The following NME7 variants were observed in gnomAD, a reference collection of about 807,000 sequenced individuals.
NME7 encodes the protein NME/NM23 family member 7.
Under a neutral mutation model 49.1 loss-of-function variants are expected in NME7, and 41 were observed. The observed-to-expected ratio is 0.83, with a 90% confidence interval of 0.65 to 1.08. The LOEUF (loss-of-function observed/expected upper bound fraction) is 1.08, where lower values mean the gene tolerates loss of function less well. Ranked by LOEUF, NME7 falls within the 50% of genes least tolerant of loss-of-function variation. NME7 has a pLI of 0.00. For synonymous variants in NME7, 139 were observed against 150.6 expected, an observed-to-expected ratio of 0.92 and a Z score of 0.56; for missense variants, 423 against 463.4, an observed-to-expected ratio of 0.91 and a Z score of 0.80.
At chr1:169,157,287 G>A (rs1306942310) in intron 11 of NME7, among the ~76,000 whole-genome samples, 1 of 152,172 alleles carries the variant, frequency 6.6e-6, no homozygotes, top group Admixed American at 6.5e-5. Flanking sequence ...TATGTTAGCA[G>A]CTGGAGATAC....
intron 4 of NME7, among the ~76,000 whole-genome samples, chr1:169,307,119 G>A (rs1262529413): frequency 6.6e-6 from 1 of 152,204 alleles, no homozygotes; most frequent in Non-Finnish European, 1.5e-5. Flanking sequence ...CAAGGATGAA[G>A]AAGAGTATAG....
intron 7 of NME7, among the ~76,000 whole-genome samples, chr1:169,246,423 T>C (rs1648317669): frequency 6.6e-6 from 1 of 152,194 alleles, no homozygotes; most frequent in Non-Finnish European, 1.5e-5. Flanking sequence ...CAGGTGATCA[T>C]AAAACCCACA....
At chr1:169,349,579 T>C (rs1653076804) in intron 1 of NME7, among the ~76,000 whole-genome samples, 1 of 152,176 alleles carries the variant, frequency 6.6e-6, no homozygotes, top group African/African-American at 2.4e-5. Flanking sequence ...AAAAATGCTA[T>C]TAAATCATTT....
At chr1:169,360,745 AC>A (rs199539189) in intron 1 of NME7, among the ~76,000 whole-genome samples, 3,503 of 152,244 alleles carry the variant, frequency 0.023, 114 homozygotes, top group African/African-American at 0.078. Flanking sequence ...TGATTGTCCT[AC>A]TCAAGGCTAC....
intron 10 of NME7, among the ~76,000 whole-genome samples, chr1:169,229,744 T>C (rs1325285474): frequency 6.6e-6 from 1 of 152,106 alleles, no homozygotes; most frequent in Non-Finnish European, 1.5e-5. Context: ...GCTGATCACC[T>C]GAGGTCAGGA....
At chr1:169,345,429 A>C (rs967326808) in intron 1 of NME7, among the ~76,000 whole-genome samples, 1 of 142,098 alleles carries the variant, frequency 7.0e-6, no homozygotes, top group Non-Finnish European at 1.6e-5. Flanking sequence ...GGGGGGTCTC[A>C]CTATGTTGTC....
At chr1:169,360,107 T>C (rs946280267) in intron 1 of NME7, among the ~76,000 whole-genome samples, 9 of 152,170 alleles carry the variant, frequency 5.9e-5, no homozygotes, top group Admixed American at 5.9e-4. Flanking sequence ...AGGTACTAGG[T>C]GAAGATCACA....
chr1:169,210,726 G>A (rs35213162), intron 10 of NME7, among the ~76,000 whole-genome samples: 10,600 of 151,958 alleles, frequency 0.07, 1,457 homozygotes, highest in East Asian at 0.66. Flanking sequence ...CAAATAAAAT[G>A]GGGAAAAAAG....
chr1:169,227,377 T>C (rs552415432), intron 10 of NME7, among the ~76,000 whole-genome samples: 21 of 152,318 alleles, frequency 1.4e-4, no homozygotes, highest in African/African-American at 4.8e-4. Context: ...TCAGAAGCCA[T>C]GTCTCCCCTG....
chr1:169,247,396 C>T (rs1648367512), intron 7 of NME7, among the ~76,000 whole-genome samples: 1 of 152,054 alleles, frequency 6.6e-6, no homozygotes, highest in Non-Finnish European at 1.5e-5. Context: ...AGCAAATGTC[C>T]CATTAGAAGC....
intron 1 of NME7, among the ~76,000 whole-genome samples, chr1:169,337,030 G>A (rs549636489): frequency 2.6e-5 from 4 of 152,354 alleles, no homozygotes; most frequent in East Asian, 1.9e-4. Flanking sequence ...ATCCCGCACC[G>A]GGGCTGCAGG....
chr1:169,356,836 A>G (rs958058184), intron 1 of NME7, among the ~76,000 whole-genome samples: 1 of 152,216 alleles, frequency 6.6e-6, no homozygotes, highest in African/African-American at 2.4e-5. Flanking sequence ...ATTAATATGC[A>G]TAAGTTTAAT....
At chr1:169,287,210 G>A in intron 7 of NME7, 93 bp downstream of exon 7, 1 of 1,055,368 alleles carries the variant, frequency 9.5e-7, no homozygotes, top group Non-Finnish European at 1.4e-6. Flanking sequence ...AATACTAAAA[G>A]TATACTTTAT....
chr1:169,313,121 A>G (rs1227789427), intron 3 of NME7, among the ~76,000 whole-genome samples: 1 of 152,048 alleles, frequency 6.6e-6, no homozygotes. Flanking sequence ...CTTCCACCAA[A>G]AACTAAAAAA....
intron 7 of NME7, among the ~76,000 whole-genome samples, chr1:169,278,698 T>C (rs921869688): frequency 1.3e-5 from 2 of 152,250 alleles, no homozygotes; most frequent in African/African-American, 4.8e-5. Flanking sequence ...AAAGTCATTC[T>C]CCATCCAGCT....
chr1:169,305,617 T>TA (rs1177125519), intron 4 of NME7, among the ~76,000 whole-genome samples: 1 of 152,182 alleles, frequency 6.6e-6, no homozygotes, highest in Non-Finnish European at 1.5e-5. Flanking sequence ...CCTTGAGGGA[T>TA]AAGGTAAAGC....
In NME7 at chr1:169,323,135, A is replaced by T; in HGVS notation, c.260T>A (p.Leu87Gln). Residue 87 changes from leucine (L) to glutamine (Q), a missense_variant, in exon 3 of 12, where the codon CTG (leucine) becomes CAG (glutamine). Coordinates refer to ENST00000367811, the MANE Select transcript of NME7 (RefSeq NM_013330.5). ...TTCTTACTTTTCTTTCCTACTGCCCAGCTGGCGAGCTGTATATTGATCCCC... is the reference window on the plus strand; with the variant it reads ...TTCTTACTTTTCTTTCCTACTGCCCTGCTGGCGAGCTGTATATTGATCCCC... ...DYGDQYTARQLGSRKEKTLAL... is the reference protein window; with the variant it reads ...DYGDQYTARQQGSRKEKTLAL... 6.4e-7 allele frequency: 1 copy of T among 1,571,908 alleles called. No homozygotes were observed. The highest frequency in any genetic ancestry group is 8.6e-7 in the Non-Finnish European group (1 of 1,162,984).
chr1:169,354,812 GATATA>G lies in NME7; in HGVS notation c.3+12891_3+12895del, dbSNP rs944796323. Among the ~76,000 whole-genome samples, 197 of 126,490 alleles carry G rather than the reference GATATA, an allele frequency of 1.6e-3. 1 individual carries two copies. Among genetic ancestry groups the G allele is most frequent in the South Asian group, 7.0e-4 (3 of 4,286 alleles). 83.0% of individuals were successfully genotyped at this position (126,490 alleles called of 152,430 possible). ...GTGCACATATCTATTATATATAATA[GATATA>G]ATATATATAATACATAATAGATATA... On this transcript the variant is annotated intron_variant, in intron 1 of 11. Transcript: ENST00000367811.
chr1:169,168,844 T>C, intron 11 of NME7: 1 of 456,274 alleles, frequency 2.2e-6, no homozygotes, highest in Non-Finnish European at 4.4e-6. Flanking sequence ...ATTTCTAGGC[T>C]ACAAAGTTCA....
Sources: gnomAD v4.1 joint callset for allele counts (sites outside exome capture counted in the v4.1 genomes callset) on GRCh38, gnomAD v4.1.1 for gene constraint, MANE v1.5 for transcripts, NCBI Gene and HGNC (gene_info 2026-07-23, HGNC 2026-07-21) for gene names.